Variants in APOBEC3D observed in about 807,000 individuals in gnomAD.
APOBEC3D encodes the protein apolipoprotein B mRNA editing enzyme catalytic subunit 3D, also known as DNA dC->dU-editing enzyme APOBEC-3D.
A neutral mutation model predicts 45.6 loss-of-function variants in APOBEC3D; 37 were observed. The observed-to-expected ratio is 0.81, with a 90% CI of 0.62 to 1.07. The LOEUF (loss-of-function observed/expected upper bound fraction) is 1.07. APOBEC3D is among the 50% of genes least tolerant of loss of function. The pLI is 0.00. For synonymous variants in APOBEC3D, 175 were observed against 180.7 expected, an observed-to-expected ratio of 0.97 and a Z score of 0.25; for missense variants, 496 against 495.3, an observed-to-expected ratio of 1.00 and a Z score of -0.01.
rs199532774 is a variant in APOBEC3D at position 39,025,326 on chromosome 22, G to A, written c.467G>A (p.Arg156His). 266 of 1,614,106 alleles carry A rather than the reference G, an allele frequency of 1.6e-4. No homozygotes were observed. Among genetic ancestry groups the A allele is most frequent in the Non-Finnish European group, 2.2e-4 (258 of 1,179,998 alleles). Residue 156 changes from arginine (R) to histidine (H), a missense_variant, in exon 3 of 7, where the codon CGT becomes CAT. Arg to His is a conservative substitution (Grantham distance 29). Transcript: ENST00000216099. ...CTCAGGCTGCATAAGGCAGGGGCCC[G>A]TGTGAAGATCATGGACTATGAAGGT... ...VLLRLHKAGA[R>H]VKIMDYEDFA...
chr22:39,021,968 A>T (rs917246762), intron 1 of APOBEC3D, among the ~76,000 whole-genome samples: 3 of 152,180 alleles, frequency 2.0e-5, no homozygotes, highest in Non-Finnish European at 4.4e-5. Flanking sequence ...AAGTCTTAGG[A>T]GAGGGTGTGG....
At chr22:39,025,000 CCCCTG>C in intron 2 of APOBEC3D, 65 bp from the exon 3 acceptor site, 1 of 605,474 alleles carries the variant, frequency 1.7e-6, no homozygotes, top group Non-Finnish European at 2.8e-6. Flanking sequence ...GCCCCTCCTC[CCCCTG>C]CCCCACCCCG....
Position 39,021,548 on chromosome 22 carries a change from C to CACTAT in APOBEC3D, c.17+13_17+17dup, listed in dbSNP as rs376587988. 7.7e-4 allele frequency: 1,244 copies of CACTAT among 1,613,730 alleles called. 12 individuals carry two copies. In the African/African-American group the frequency reaches 0.015, roughly 19 times the overall value. ...AATCCACAGATCAGGTACCGCTGCC[C>CACTAT]ACTATGTCCGCAGGGCCCCTCCGGC... On this transcript the variant is annotated intron_variant, in intron 1 of 6. Coordinates refer to ENST00000216099, the MANE Select transcript of APOBEC3D (RefSeq NM_152426.4).
chr22:39,032,354 C>T lies in APOBEC3D; in HGVS notation c.*38C>T. ...GGCCTCATGGTCTGTCTCTTCTAGC[C>T]TCCTGCTCATGCTGCACGGGCCTCC... On this transcript the variant is annotated 3_prime_UTR_variant, in exon 7 of 7. Coordinates refer to ENST00000216099, the MANE Select transcript of APOBEC3D (RefSeq NM_152426.4). The T allele has an allele frequency of 6.2e-7, 1 of 1,609,828 alleles. No homozygotes were observed. The highest frequency in any genetic ancestry group is 8.5e-7 in the Non-Finnish European group (1 of 1,178,044).
At chr22:39,032,055 G>T (rs1236197183) in intron 6 of APOBEC3D, 82 bp downstream of exon 6, 4 of 1,595,084 alleles carry the variant, frequency 2.5e-6, no homozygotes, top group Non-Finnish European at 1.7e-6. Flanking sequence ...GTGGGGCGGG[G>T]CAGTGTCCCC....
At chr22:39,022,014 A>G (rs1409989237) in intron 1 of APOBEC3D, among the ~76,000 whole-genome samples, 1 of 152,196 alleles carries the variant, frequency 6.6e-6, no homozygotes, top group Non-Finnish European at 1.5e-5. Context: ...GATAAATCAC[A>G]TCGTCCAAGG....
At chr22:39,031,560 C>A in intron 5 of APOBEC3D, 134 bp from the exon 6 acceptor site, 2 of 1,349,398 alleles carry the variant, frequency 1.5e-6, no homozygotes, top group South Asian at 1.4e-5. Context: ...ACAGGAGAGA[C>A]CCTGTCTCAA....
intron 4 of APOBEC3D, among the ~76,000 whole-genome samples, chr22:39,027,110 T>G (rs901877100): frequency 6.6e-6 from 1 of 152,108 alleles, no homozygotes; most frequent in Non-Finnish European, 1.5e-5. Context: ...AGATGGGAAC[T>G]GAGCACCTGG....
rs377098913 is a variant in APOBEC3D at position 39,023,052 on chromosome 22, T to G, written c.210+38T>G. 1.3e-5 allele frequency: 19 copies of G among 1,485,194 alleles called. No homozygotes were observed. The African/African-American group carries it at 2.4e-4, about 19-fold the overall frequency. The allele number at this position is 1,485,194 out of a possible 1,614,324, so 92.0% of individuals were successfully genotyped here. On this transcript the variant is annotated intron_variant, in intron 2 of 6. Coordinates refer to ENST00000216099, the MANE Select transcript of APOBEC3D (RefSeq NM_152426.4). ...GAATGCAGAAAACACATAAGTAAAA[T>G]GTCTGGCGGCGGGCTCTCAACTGTG... is the stretch of plus-strand genomic sequence containing the variant.
At chr22:39,025,842 C>G (rs1416392322) in intron 4 of APOBEC3D, among the ~76,000 whole-genome samples, 171 bp downstream of exon 4, 4 of 152,008 alleles carry the variant, frequency 2.6e-5, no homozygotes, top group African/African-American at 9.7e-5. Context: ...GTGCCTCCCC[C>G]CTGCTTTCCT....
intron 6 of APOBEC3D, 68 bp downstream of exon 6, chr22:39,032,041 T>A: frequency 6.2e-7 from 1 of 1,601,420 alleles, no homozygotes; most frequent in Non-Finnish European, 8.5e-7. Flanking sequence ...GGGTCTGCAA[T>A]GCCGTGGGGC....
intron 2 of APOBEC3D, among the ~76,000 whole-genome samples, 170 bp from the exon 3 acceptor site, chr22:39,024,900 G>C (rs1296278802): frequency 6.6e-6 from 1 of 152,064 alleles, no homozygotes; most frequent in African/African-American, 2.4e-5. Context: ...TAACACTGAA[G>C]GTCAGCTTGG....
intron 4 of APOBEC3D, among the ~76,000 whole-genome samples, chr22:39,025,949 G>A (rs1478317821): frequency 2.0e-5 from 3 of 152,110 alleles, no homozygotes; most frequent in Admixed American, 6.5e-5. Flanking sequence ...CCCCAACCTG[G>A]CTCCTTCTAT....
chr22:39,033,203 C>G lies in APOBEC3D; in HGVS notation c.*887C>G, dbSNP rs1423551106. 3.2e-6 allele frequency: 3 copies of G among 942,516 alleles called. No individual in the cohort carries two copies. The highest frequency in any genetic ancestry group is 2.3e-4 in the East Asian group (2 of 8,606). 58.4% of individuals were successfully genotyped at this position (942,516 alleles called of 1,614,324 possible). A position where few individuals can be genotyped will look rare whatever the true frequency, so the allele number is the denominator to read the frequency against. ...CAGAACTCCAGTTTGAGCAACAGATCAAGACCCTGCCTGAAAATAAATCAA... is the reference window on the plus strand; with the variant it reads ...CAGAACTCCAGTTTGAGCAACAGATGAAGACCCTGCCTGAAAATAAATCAA... On this transcript the variant is annotated 3_prime_UTR_variant, in exon 7 of 7. Coordinates refer to ENST00000216099, the MANE Select transcript of APOBEC3D (RefSeq NM_152426.4).
chr22:39,027,095 G>A lies in APOBEC3D; in HGVS notation c.605+1424G>A, dbSNP rs187624032. On this transcript the variant is annotated intron_variant, in intron 4 of 6. Coordinates refer to ENST00000216099, the MANE Select transcript of APOBEC3D (RefSeq NM_152426.4). ...CCCTAGAAAGAGATCTAAGGCCCTC[G>A]GGAGAGATGGGAACTGAGCACCTGG... is the stretch of plus-strand genomic sequence containing the variant. Among the ~76,000 whole-genome samples the A allele has an allele frequency of 6.4e-3, 968 of 152,206 alleles. 12 individuals carry two copies. The highest frequency in any genetic ancestry group is 0.022 in the African/African-American group (904 of 41,510).
chr22:39,031,688 C>T lies in APOBEC3D; in HGVS notation c.763-6C>T. Reference sequence around the variant, plus strand: ...TCCCCCTGCCCTCCTCCTCCTCCTTCCCCAGGTGGATCCTGAGACCCATTG... The same window carrying T: ...TCCCCCTGCCCTCCTCCTCCTCCTTTCCCAGGTGGATCCTGAGACCCATTG... On this transcript the variant is annotated splice_region_variant and splice_polypyrimidine_tract_variant and intron_variant, in intron 5 of 6. Transcript: ENST00000216099. The T allele has an allele frequency of 6.2e-7, 1 of 1,611,236 alleles. No homozygotes were observed. Among genetic ancestry groups the T allele is most frequent in the Non-Finnish European group, 8.5e-7 (1 of 1,177,634 alleles).
Position 39,025,677 on chromosome 22 carries a change from GGTCTCCCTCTGGCCTCATC to G in APOBEC3D, c.605+12_605+30del. The G allele has an allele frequency of 6.2e-7, 1 of 1,613,944 alleles. No homozygotes were observed. The highest frequency in any genetic ancestry group is 2.2e-5 in the East Asian group (1 of 44,846). On this transcript the variant is annotated splice_region_variant and intron_variant, in intron 4 of 6. Transcript: ENST00000216099. The stretch of plus-strand genomic sequence containing the variant: ...ACGCTAAAGGAGATTCTCAGGTGAG[GGTCTCCCTCTGGCCTCATC>G]GTCTCTCTCCTCTCGCCTCCTGCTC...
rs59018660 is a variant in APOBEC3D at position 39,032,759 on chromosome 22, A to ATTTTTTTTT, written c.*462_*470dup. The ATTTTTTTTT allele has an allele frequency of 1.1e-4, 11 of 96,030 alleles. No individual in the cohort carries two copies. The highest frequency in any genetic ancestry group is 1.9e-4 in the African/African-American group (4 of 20,752). 5.9% of individuals were successfully genotyped at this position (96,030 alleles called of 1,614,324 possible). On this transcript the variant is annotated 3_prime_UTR_variant, in exon 7 of 7. Transcript: ENST00000216099. ...AGATGCCTGCCACCACGCCCAGCTA[A>ATTTTTTTTT]TTTTTTTTTTTTTTTTTTTTTTTTT...
chr22:39,026,876 C>T (rs1286881015), intron 4 of APOBEC3D, among the ~76,000 whole-genome samples: 1 of 152,116 alleles, frequency 6.6e-6, no homozygotes, highest in Non-Finnish European at 1.5e-5. Context: ...CTCAGCCTCC[C>T]AAGTACCTGG....
Sources: allele counts gnomAD v4.1 joint callset (sites outside exome capture counted in the v4.1 genomes callset), GRCh38; gene constraint gnomAD v4.1.1; transcripts MANE v1.5; gene names NCBI Gene and HGNC (gene_info 2026-07-23, HGNC 2026-07-21).